The following AJM1 variants were observed in gnomAD, a reference collection of about 807,000 sequenced individuals.
AJM1 encodes apical junction component 1 homolog.
A neutral mutation model predicts 43.0 loss-of-function variants in AJM1; 22 were observed. That is an observed-to-expected ratio of 0.51 (90% CI 0.37 to 0.73). AJM1 has a LOEUF of 0.73. Ranked by LOEUF, AJM1 falls within the 30% of genes least tolerant of loss-of-function variation. The pLI is 0.00. For synonymous variants in AJM1, 719 were observed against 638.3 expected, an observed-to-expected ratio of 1.13 and a Z score of -1.91; for missense variants, 1,305 against 1,343.3, an observed-to-expected ratio of 0.97 and a Z score of 0.45.
In AJM1 at chr9:136,847,139, C is replaced by G; in HGVS notation, c.2725C>G (p.Arg909Gly). ...CCACATCCAGCGCGAGCTGCGGCTG[C>G]GCGGCGTCTTCCTGCGCCACGAGTT... ...FIHIQRELRL[R>G]GVFLRHEFPR... is the part of the protein sequence containing the mutation. Residue 909 changes from arginine to glycine, a missense_variant, in exon 3 of 3, where the codon CGC becomes GGC. Physicochemically the swap from Arg to Gly is moderately radical, Grantham distance 125 (BLOSUM62 -2). This residue lies in a region of AJM1 where 116 missense variants were observed against 113.4 expected (regional missense o/e 1.02). Coordinates refer to ENST00000436881, the MANE Select transcript of AJM1 (RefSeq NM_001080482.5). The G allele has an allele frequency of 6.3e-7, 1 of 1,596,072 alleles. No homozygotes were observed.
rs746039799 is a variant in AJM1 at position 136,846,043 on chromosome 9, C to G, written c.1629C>G (p.Thr543=). 36 of 1,540,904 alleles carry G rather than the reference C, an allele frequency of 2.3e-5. 2 individuals carry two copies. The South Asian group carries it at 3.8e-4, about 16-fold the overall frequency. The part of the protein sequence containing the change: ...ITITDNDLRA[T]ERPSARAWEL... ...TCACTGACAATGACCTGCGCGCCAC[C>G]GAGCGCCCGAGCGCCAGGGCCTGGG... is the stretch of plus-strand genomic sequence containing the variant. Residue 543 remains threonine, a synonymous_variant, in exon 3 of 3, where the codon ACC becomes ACG. Coordinates refer to ENST00000436881, the MANE Select transcript of AJM1 (RefSeq NM_001080482.5).
chr9:136,843,400 C>CCCT (rs987572253), intron 1 of AJM1, among the ~76,000 whole-genome samples: 10 of 152,356 alleles, frequency 6.6e-5, no homozygotes, highest in African/African-American at 2.4e-4. Flanking sequence ...ATGGGGAGGG[C>CCCT]CCTCTCCTGC....
Position 136,847,421 on chromosome 9 carries a change from C to A in AJM1, c.*76C>A. The stretch of plus-strand genomic sequence containing the variant: ...GCCCACTCAGGCCCCGCCCGGCCCA[C>A]CCAGGGCCGCCCCCGAGCCCCGCCA... On this transcript the variant is annotated 3_prime_UTR_variant, in exon 3 of 3. Coordinates refer to ENST00000436881, the MANE Select transcript of AJM1 (RefSeq NM_001080482.5). The A allele has an allele frequency of 8.4e-7, 1 of 1,195,916 alleles. No individual in the cohort carries two copies. The highest frequency in any genetic ancestry group is 1.1e-6 in the Non-Finnish European group (1 of 908,302). The allele number at this position is 1,195,916 out of a possible 1,614,324, so 74.1% of individuals were successfully genotyped here.
At position 136,846,823 on chromosome 9, in the gene AJM1, G is replaced by A. The variant is rs1215894785; in HGVS notation, c.2409G>A (p.Gly803=). The part of the protein sequence containing the change: ...GSYARELAAA[G]RLYEPAECFL... Reference sequence around the variant, plus strand: ...ACGCGCGCGAGCTGGCGGCCGCTGGGCGCCTCTACGAACCGGCAGAGTGCT... The same window carrying A: ...ACGCGCGCGAGCTGGCGGCCGCTGGACGCCTCTACGAACCGGCAGAGTGCT... Residue 803 remains glycine, a synonymous_variant, in exon 3 of 3, where the codon GGG becomes GGA. Coordinates refer to ENST00000436881, the MANE Select transcript of AJM1 (RefSeq NM_001080482.5). 2 of 1,589,722 alleles carry A rather than the reference G, an allele frequency of 1.3e-6. No homozygotes were observed. The highest frequency in any genetic ancestry group is 1.7e-6 in the Non-Finnish European group (2 of 1,175,220).
chr9:136,845,084 G>A lies in AJM1; in HGVS notation c.670G>A (p.Gly224Ser). 1.6e-6 allele frequency: 2 copies of A among 1,251,308 alleles called. No individual in the cohort carries two copies. The highest frequency in any genetic ancestry group is 2.4e-5 in the East Asian group (1 of 41,816). The allele number at this position is 1,251,308 out of a possible 1,614,324, so 77.5% of individuals were successfully genotyped here. The stretch of plus-strand genomic sequence containing the variant: ...GGCCCGCCCCGCCCCGCAGTTCCAC[G>A]GCCTCACGGTGCCCGGGCCCCGCCA... ...HWARPAPQFHGLTVPGPRHMA... is the reference protein window; with the variant it reads ...HWARPAPQFHSLTVPGPRHMA... The change falls in exon 3 of 3, where the codon GGC (glycine) becomes AGC (serine). Residue 224 changes from glycine (G) to serine (S), a missense_variant. By Grantham distance (56) the Gly-to-Ser change is moderately conservative. Around this residue, in one of 6 missense-constraint regions of AJM1, gnomAD observed 653 missense variants for 549.1 expected, o/e 1.19. Transcript: ENST00000436881.
At chr9:136,843,606 G>A (rs1163975372) in intron 1 of AJM1, among the ~76,000 whole-genome samples, 1 of 152,254 alleles carries the variant, frequency 6.6e-6, no homozygotes, top group South Asian at 2.1e-4. Context: ...AAGATACTTG[G>A]GGTCAGAAAA....
chr9:136,845,566 G>A lies in AJM1; in HGVS notation c.1152G>A (p.Glu384=), dbSNP rs773101030. ...FYTEDFGRYR[E]RDVLARTYPH... is the part of the protein sequence containing the mutation. ...CGGAGGACTTCGGAAGGTACCGCGA[G>A]CGTGACGTCCTGGCTCGGACGTACC... The change falls in exon 3 of 3, where the codon GAG becomes GAA. Residue 384 remains glutamate (E), a synonymous_variant. Coordinates refer to ENST00000436881, the MANE Select transcript of AJM1 (RefSeq NM_001080482.5). The A allele has an allele frequency of 6.3e-7, 1 of 1,590,614 alleles. No individual in the cohort carries two copies. The highest frequency in any genetic ancestry group is 1.3e-5 in the African/African-American group (1 of 74,550).
chr9:136,846,031 C>A lies in AJM1; in HGVS notation c.1617C>A (p.Asp539Glu). 1.3e-6 allele frequency: 2 copies of A among 1,545,608 alleles called. No individual in the cohort carries two copies. Among genetic ancestry groups the A allele is most frequent in the Non-Finnish European group, 1.7e-6 (2 of 1,146,870 alleles). The stretch of plus-strand genomic sequence containing the variant: ...CCGAGATCACCATCACTGACAATGA[C>A]CTGCGCGCCACCGAGCGCCCGAGCG... ...VTPEITITDNDLRATERPSAR... is the reference protein window; with the variant it reads ...VTPEITITDNELRATERPSAR... Residue 539 changes from aspartate (D) to glutamate (E), a missense_variant, in exon 3 of 3, where the codon GAC becomes GAA. Asp to Glu is a conservative substitution (Grantham distance 45). Transcript: ENST00000436881.
Position 136,845,192 on chromosome 9 carries a change from G to A in AJM1, c.778G>A (p.Gly260Arg), listed in dbSNP as rs1162401915. ...RAFYCDGPLP[G>R]PRDYAERRSL... ...GTTCTACTGCGACGGGCCCCTGCCT[G>A]GGCCCCGGGACTACGCCGAGCGCCG... Residue 260 changes from glycine to arginine, a missense_variant, in exon 3 of 3, where the codon GGG becomes AGG. Gly to Arg is a moderately radical substitution (Grantham distance 125, BLOSUM62 -2). This residue lies in a region of AJM1 where 653 missense variants were observed against 549.1 expected (regional missense o/e 1.19). Coordinates refer to ENST00000436881, the MANE Select transcript of AJM1 (RefSeq NM_001080482.5). 1 of 1,587,796 alleles carries A rather than the reference G, an allele frequency of 6.3e-7. No individual in the cohort carries two copies. The highest frequency in any genetic ancestry group is 1.1e-5 in the South Asian group (1 of 89,626).
chr9:136,846,955 C>A lies in AJM1; in HGVS notation c.2541C>A (p.Phe847Leu). 7.4e-7 allele frequency: 1 copy of A among 1,345,280 alleles called. No individual in the cohort carries two copies. The highest frequency in any genetic ancestry group is 9.7e-7 in the Non-Finnish European group (1 of 1,028,990). 83.3% of individuals were successfully genotyped at this position (1,345,280 alleles called of 1,614,324 possible). A position where few individuals can be genotyped will look rare whatever the true frequency, so the allele number is the denominator to read the frequency against. Residue 847 changes from phenylalanine to leucine, a missense_variant, in exon 3 of 3, where the codon TTC becomes TTA. Phe to Leu is a conservative substitution (Grantham distance 22). This residue lies in a region of AJM1 where 391 missense variants were observed against 507.5 expected (regional missense o/e 0.77). Transcript: ENST00000436881. ...PRSHGPTVRK[F>L]AKVALAAGSP... is the part of the protein sequence containing the mutation. ...GCCACGGGCCAACAGTGCGCAAGTTCGCCAAGGTAGCGCTGGCGGCCGGCA... is the reference window on the plus strand; with the variant it reads ...GCCACGGGCCAACAGTGCGCAAGTTAGCCAAGGTAGCGCTGGCGGCCGGCA...
rs998717602 is a variant in AJM1 at position 136,847,643 on chromosome 9, C to A, written c.*298C>A. The A allele has an allele frequency of 1.5e-4, 57 of 378,606 alleles. No homozygotes were observed. Among genetic ancestry groups the A allele is most frequent in the Non-Finnish European group, 2.2e-4 (47 of 211,594 alleles). 23.5% of individuals were successfully genotyped at this position (378,606 alleles called of 1,614,324 possible). ...GGGCCTCCTCCCTCTCCCAGCTCGC[C>A]CTCGAGGATCCCCAGAAGAAGTCGG... On this transcript the variant is annotated 3_prime_UTR_variant, in exon 3 of 3. Transcript: ENST00000436881.
chr9:136,844,725 C>A lies in AJM1; in HGVS notation c.311C>A (p.Thr104Lys). The A allele has an allele frequency of 1.4e-6, 1 of 710,014 alleles. No homozygotes were observed. Among genetic ancestry groups the A allele is most frequent in the Admixed American group, 5.5e-5 (1 of 18,196 alleles). 44.0% of individuals were successfully genotyped at this position (710,014 alleles called of 1,614,324 possible). A position where few individuals can be genotyped will look rare whatever the true frequency, so the allele number is the denominator to read the frequency against. ...KSAPRAPPGL[T>K]PAPASPPVLP... Reference sequence around the variant, plus strand: ...GCGCCCCGCGCGCCCCCGGGCCTGACGCCCGCGCCCGCCTCGCCGCCGGTG... The same window carrying A: ...GCGCCCCGCGCGCCCCCGGGCCTGAAGCCCGCGCCCGCCTCGCCGCCGGTG... Residue 104 changes from threonine (T) to lysine (K), a missense_variant, in exon 3 of 3, where the codon ACG (threonine) becomes AAG (lysine). Around this residue, in one of 6 missense-constraint regions of AJM1, gnomAD observed 653 missense variants for 549.1 expected, o/e 1.19. Transcript: ENST00000436881.
chr9:136,845,490 G>T lies in AJM1; in HGVS notation c.1076G>T (p.Arg359Leu). 1.2e-6 allele frequency: 2 copies of T among 1,605,044 alleles called. No homozygotes were observed. The highest frequency in any genetic ancestry group is 4.5e-5 in the East Asian group (2 of 44,402). The change falls in exon 3 of 3, where the codon CGC becomes CTC. Residue 359 changes from arginine to leucine, a missense_variant. Around this residue, in one of 6 missense-constraint regions of AJM1, gnomAD observed 653 missense variants for 549.1 expected, o/e 1.19. Transcript: ENST00000436881. ...PRAYGLPYGP[R>L]YVPEEPRAHS... is the part of the protein sequence containing the mutation. ...GCCTACGGCCTGCCCTACGGGCCCC[G>T]CTATGTCCCCGAGGAGCCCCGGGCC...
Position 136,846,307 on chromosome 9 carries a change from G to A in AJM1, c.1893G>A (p.Ser631=), listed in dbSNP as rs1433339744. The stretch of plus-strand genomic sequence containing the variant: ...CCCCCGCGCTGGCGCCGCCACGCTC[G>A]CCCCCCGCCTCGGCCGGCAGCGCCG... The part of the protein sequence containing the change: ...SGAPALAPPR[S]PPASAGSAEE... Residue 631 remains serine (S), a synonymous_variant, in exon 3 of 3, where the codon TCG becomes TCA. Transcript: ENST00000436881. 8.6e-7 allele frequency: 1 copy of A among 1,164,546 alleles called. No individual in the cohort carries two copies. 72.1% of individuals were successfully genotyped at this position (1,164,546 alleles called of 1,614,324 possible).
At position 136,845,044 on chromosome 9, in the gene AJM1, C is replaced by A. The variant is rs760766323; in HGVS notation, c.630C>A (p.Thr210=). 1 of 816,548 alleles carries A rather than the reference C, an allele frequency of 1.2e-6. No homozygotes were observed. Among genetic ancestry groups the A allele is most frequent in the Non-Finnish European group, 1.9e-6 (1 of 514,230 alleles). The allele number at this position is 816,548 out of a possible 1,614,324, so 50.6% of individuals were successfully genotyped here. Residue 210 remains threonine (T), a synonymous_variant, in exon 3 of 3, where the codon ACC becomes ACA. Coordinates refer to ENST00000436881, the MANE Select transcript of AJM1 (RefSeq NM_001080482.5). Reference sequence around the variant, plus strand: ...GGGGCTCGCGGTCCTGCGGGCCCACCGAGGCCGCGCACTGGGCCCGCCCCG... The same window carrying A: ...GGGGCTCGCGGTCCTGCGGGCCCACAGAGGCCGCGCACTGGGCCCGCCCCG... ...ATRGSRSCGP[T]EAAHWARPAP...
Position 136,845,474 on chromosome 9 carries a change from C to T in AJM1, c.1060C>T (p.Leu354=). Residue 354 remains leucine, a synonymous_variant, in exon 3 of 3, where the codon CTG becomes TTG. Transcript: ENST00000436881. ...YYGEAPRAYG[L]PYGPRYVPEE... ...TGGGGAGGCTCCACGAGCCTACGGC[C>T]TGCCCTACGGGCCCCGCTATGTCCC... The T allele has an allele frequency of 1.9e-6, 3 of 1,608,428 alleles. No homozygotes were observed. The highest frequency in any genetic ancestry group is 2.5e-6 in the Non-Finnish European group (3 of 1,178,274).
In AJM1 at chr9:136,844,730, G is replaced by C; in HGVS notation, c.316G>C (p.Ala106Pro). Reference sequence around the variant, plus strand: ...CCGCGCGCCCCCGGGCCTGACGCCCGCGCCCGCCTCGCCGCCGGTGTTGCC... The same window carrying C: ...CCGCGCGCCCCCGGGCCTGACGCCCCCGCCCGCCTCGCCGCCGGTGTTGCC... ...APRAPPGLTP[A>P]PASPPVLPRR... Residue 106 changes from alanine (A) to proline (P), a missense_variant, in exon 3 of 3, where the codon GCG becomes CCG. By Grantham distance (27) the Ala-to-Pro change is conservative. Transcript: ENST00000436881. 1 of 711,810 alleles carries C rather than the reference G, an allele frequency of 1.4e-6. No homozygotes were observed. Among genetic ancestry groups the C allele is most frequent in the Non-Finnish European group, 1.8e-6 (1 of 560,526 alleles). 44.1% of individuals were successfully genotyped at this position (711,810 alleles called of 1,614,324 possible).
At chr9:136,842,954 A>C (rs1848722965) in intron 1 of AJM1, among the ~76,000 whole-genome samples, 1 of 148,210 alleles carries the variant, frequency 6.7e-6, no homozygotes, top group South Asian at 2.1e-4. Context: ...TTAGCATGAA[A>C]GAGGGAGCAG....
Position 136,846,207 on chromosome 9 carries a change from C to T in AJM1, c.1793C>T (p.Ala598Val). The T allele has an allele frequency of 6.7e-7, 1 of 1,497,886 alleles. No individual in the cohort carries two copies. Among genetic ancestry groups the T allele is most frequent in the Non-Finnish European group, 8.8e-7 (1 of 1,131,604 alleles). 92.8% of individuals were successfully genotyped at this position (1,497,886 alleles called of 1,614,324 possible). A position where few individuals can be genotyped will look rare whatever the true frequency, so the allele number is the denominator to read the frequency against. Residue 598 changes from alanine to valine, a missense_variant, in exon 3 of 3, where the codon GCC becomes GTC. By Grantham distance (64) the Ala-to-Val change is moderately conservative. Coordinates refer to ENST00000436881, the MANE Select transcript of AJM1 (RefSeq NM_001080482.5). ...VIDSRPTAGQASEPAADCLGP... is the reference protein window; with the variant it reads ...VIDSRPTAGQVSEPAADCLGP... ...GACTCGCGACCCACCGCCGGCCAGG[C>T]CTCAGAGCCCGCGGCCGACTGCCTG...
Sources: gnomAD v4.1 joint callset for allele counts (sites outside exome capture counted in the v4.1 genomes callset) on GRCh38, gnomAD v4.1.1 for gene constraint, gnomAD v4.1.1 regional missense constraint, MANE v1.5 for transcripts, NCBI Gene and HGNC (gene_info 2026-07-23, HGNC 2026-07-21) for gene names.